The following MAML3 variants were observed in gnomAD, a reference collection of about 807,000 sequenced individuals.
The protein encoded by MAML3 is mastermind-like protein 3.
A neutral mutation model predicts 101.9 loss-of-function variants in MAML3; 27 were observed. The ratio of observed to expected loss-of-function variants is 0.27; its 90% CI spans 0.20 to 0.37. MAML3 has a LOEUF of 0.37. MAML3 is among the 10% of genes least tolerant of loss of function. MAML3 has a pLI of 1.00. For synonymous variants in MAML3, 501 were observed against 555.9 expected, an observed-to-expected ratio of 0.90 and a Z score of 1.39; for missense variants, 1,316 against 1,444.9, an observed-to-expected ratio of 0.91 and a Z score of 1.45.
At chr4:140,074,151 A>AG (rs1560885416) in intron 1 of MAML3, among the ~76,000 whole-genome samples, 20 of 141,466 alleles carry the variant, frequency 1.4e-4, no homozygotes, top group East Asian at 4.2e-4. Flanking sequence ...AGAAAGAAAG[A>AG]AAGAGAGAGA....
intron 1 of MAML3, among the ~76,000 whole-genome samples, chr4:139,944,393 T>C (rs1327209388): frequency 3.9e-5 from 6 of 152,036 alleles, no homozygotes; most frequent in Non-Finnish European, 7.4e-5. Flanking sequence ...TGTGATCTCA[T>C]TGTTCAATTC....
At chr4:140,062,824 T>C (rs1727469226) in intron 1 of MAML3, among the ~76,000 whole-genome samples, 1 of 152,248 alleles carries the variant, frequency 6.6e-6, no homozygotes, top group Non-Finnish European at 1.5e-5. Context: ...TGTAGAAGTC[T>C]TTTCCACTTA....
chr4:139,934,693 A>C (rs905840642), intron 1 of MAML3, among the ~76,000 whole-genome samples: 16 of 152,166 alleles, frequency 1.1e-4, no homozygotes, highest in Non-Finnish European at 2.1e-4. Context: ...GCTTTTCCTA[A>C]AGAGTATTCC....
Position 140,126,278 on chromosome 4 carries a change from T to A in MAML3, c.468+26582A>T, listed in dbSNP as rs888351092. Among the ~76,000 whole-genome samples, 3 of 151,986 alleles carry A rather than the reference T, an allele frequency of 2.0e-5. 1 individual carries two copies. On this transcript the variant is annotated intron_variant, in intron 1 of 4. Transcript: ENST00000509479. Reference sequence around the variant, plus strand: ...GGCCCCTCTTAAATGTGAGGTCTCTTCCCTCATACACATGCCGTTTCTTCC... The same window carrying A: ...GGCCCCTCTTAAATGTGAGGTCTCTACCCTCATACACATGCCGTTTCTTCC...
At chr4:140,060,096 T>A (rs540916986) in intron 1 of MAML3, among the ~76,000 whole-genome samples, 4 of 152,104 alleles carry the variant, frequency 2.6e-5, no homozygotes, top group Non-Finnish European at 5.9e-5. Flanking sequence ...CTGGGCGCAG[T>A]GGCTCACGCC....
intron 1 of MAML3, among the ~76,000 whole-genome samples, chr4:139,910,976 C>T (rs1378030452): frequency 6.6e-6 from 1 of 152,206 alleles, no homozygotes; most frequent in African/African-American, 2.4e-5. Flanking sequence ...ACAACCATCT[C>T]TCCACCATCC....
In MAML3 at chr4:139,717,643, A is replaced by C. The variant is rs970246835; in HGVS notation, c.*1680T>G. Reference sequence around the variant, plus strand: ...AAAACACCTCTGCCCCCAGCTTTCCATGGCAACTCGCCTTCTCAGGACTGA... The same window carrying C: ...AAAACACCTCTGCCCCCAGCTTTCCCTGGCAACTCGCCTTCTCAGGACTGA... On this transcript the variant is annotated 3_prime_UTR_variant, in exon 5 of 5. Transcript: ENST00000509479. 6.6e-6 allele frequency: 1 copy of C among 152,518 alleles called. No individual in the cohort carries two copies. The highest frequency in any genetic ancestry group is 6.5e-5 in the Admixed American group (1 of 15,274). The allele number at this position is 152,518 out of a possible 1,614,324, so 9.4% of individuals were successfully genotyped here. A position where few individuals can be genotyped will look rare whatever the true frequency, so the allele number is the denominator to read the frequency against.
chr4:139,909,836 C>CAAAAAAAAA (rs11379402), intron 1 of MAML3, among the ~76,000 whole-genome samples: 6 of 58,716 alleles, frequency 1.0e-4, no homozygotes, highest in East Asian at 5.0e-4. Flanking sequence ...GATGCCGTCT[C>CAAAAAAAAA]AAAAAAAAAA....
At chr4:139,921,439 C>G (rs1361529503) in intron 1 of MAML3, among the ~76,000 whole-genome samples, 1 of 152,180 alleles carries the variant, frequency 6.6e-6, no homozygotes, top group African/African-American at 2.4e-5. Flanking sequence ...TTCAACACCA[C>G]CATTCCCTCA....
chr4:139,878,987 T>C (rs1484503089), intron 2 of MAML3, among the ~76,000 whole-genome samples: 1 of 152,132 alleles, frequency 6.6e-6, no homozygotes, highest in Non-Finnish European at 1.5e-5. Flanking sequence ...AACCCTCTCT[T>C]GGAGGAAAAA....
intron 2 of MAML3, among the ~76,000 whole-genome samples, chr4:139,850,781 T>G (rs557279865): frequency 6.6e-6 from 1 of 152,096 alleles, no homozygotes; most frequent in East Asian, 1.9e-4. Context: ...TGAGCTCAAG[T>G]GATTTACACA....
chr4:139,906,578 A>C (rs1732825307), intron 1 of MAML3, among the ~76,000 whole-genome samples: 1 of 152,248 alleles, frequency 6.6e-6, no homozygotes, highest in African/African-American at 2.4e-5. Context: ...TTCTTGCGCC[A>C]GCCCAGTGCC....
Position 139,719,124 on chromosome 4 carries a change from T to G in MAML3, c.*199A>C. ...GGATCTGCATGGCGTCTCATCTCGA[T>G]TGCTGTGTGAAAATCAGGTGAAATG... On this transcript the variant is annotated 3_prime_UTR_variant, in exon 5 of 5. Coordinates refer to ENST00000509479, the MANE Select transcript of MAML3 (RefSeq NM_018717.5). 1.7e-6 allele frequency: 1 copy of G among 594,330 alleles called. No individual in the cohort carries two copies. Among genetic ancestry groups the G allele is most frequent in the Non-Finnish European group, 2.8e-6 (1 of 351,932 alleles). 36.8% of individuals were successfully genotyped at this position (594,330 alleles called of 1,614,324 possible).
intron 1 of MAML3, among the ~76,000 whole-genome samples, chr4:139,975,729 G>T (rs940324564): frequency 2.0e-5 from 3 of 152,148 alleles, no homozygotes; most frequent in African/African-American, 7.2e-5. Flanking sequence ...TGAAAAAGGT[G>T]TGAAGTCATT....
intron 1 of MAML3, among the ~76,000 whole-genome samples, chr4:139,956,462 T>G (rs1733918706): frequency 6.6e-6 from 1 of 152,214 alleles, no homozygotes; most frequent in Non-Finnish European, 1.5e-5. Flanking sequence ...ATCTTTAAAA[T>G]GTCAGGGCTA....
At chr4:139,784,104 A>C (rs1730263537) in intron 2 of MAML3, among the ~76,000 whole-genome samples, 1 of 152,214 alleles carries the variant, frequency 6.6e-6, no homozygotes. Context: ...AAGAAAAAAG[A>C]AGAAAGGACC....
chr4:140,144,100 T>A (rs1323885678), intron 1 of MAML3, among the ~76,000 whole-genome samples: 1 of 152,108 alleles, frequency 6.6e-6, no homozygotes, highest in East Asian at 1.9e-4. Context: ...GGGTGTAATC[T>A]CTTGTAGGAT....
At chr4:139,922,628 T>C (rs1023394653) in intron 1 of MAML3, among the ~76,000 whole-genome samples, 2 of 152,204 alleles carry the variant, frequency 1.3e-5, no homozygotes, top group Non-Finnish European at 2.9e-5. Context: ...TATGAAAAGA[T>C]ATGGAGCCTA....
chr4:139,798,034 G>GAGAAAGAAAGAA (rs60781175), intron 2 of MAML3, among the ~76,000 whole-genome samples: 85 of 124,576 alleles, frequency 6.8e-4, no homozygotes, highest in Non-Finnish European at 9.3e-4. Flanking sequence ...AGGAGAGAGA[G>GAGAAAGAAAGAA]AGAAAGAAAG....
Sources: gnomAD v4.1 joint callset for allele counts (sites outside exome capture counted in the v4.1 genomes callset) on GRCh38, gnomAD v4.1.1 for gene constraint, MANE v1.5 for transcripts, NCBI Gene and HGNC (gene_info 2026-07-23, HGNC 2026-07-21) for gene names.